TES: variants seen among roughly 807,000 people sequenced by gnomAD.
TES encodes testin LIM domain protein, also known as testin.
TES carries 41 observed loss-of-function variants against 48.2 expected under a neutral mutation model. The ratio of observed to expected loss-of-function variants is 0.85; its 90% CI spans 0.66 to 1.10. The LOEUF (loss-of-function observed/expected upper bound fraction) is 1.10, where lower values mean the gene tolerates loss of function less well. Ranked by LOEUF, TES falls within the 50% of genes least tolerant of loss-of-function variation. The probability of loss-of-function intolerance (pLI) is 0.00; values close to 1 mark genes in which losing one functional copy is unlikely to be tolerated. For synonymous variants in TES, 162 were observed against 174.9 expected (o/e 0.93, Z 0.58); for missense variants, 463 against 515.1 (o/e 0.90, Z 0.98).
chr7:116,256,434 T>G (rs1353737171), intron 6 of TES, among the ~76,000 whole-genome samples: 1 of 152,206 alleles, frequency 6.6e-6, no homozygotes, highest in Non-Finnish European at 1.5e-5. Flanking sequence ...AAACAAAAAC[T>G]TTAAGACAGC....
intron 1 of TES, chr7:116,210,957 C>T (rs1056277158): frequency 4.9e-5 from 17 of 345,830 alleles, no homozygotes; most frequent in African/African-American, 3.7e-4. Flanking sequence ...ATTGGAAGCG[C>T]GAGCGAGGGC....
rs1417517023 is a variant in TES, at chr7:116,229,033, T to TATATATATATATATATATATTTATATAA, written c.28-5500_28-5499insTATATATATATATATATATTTATATAAA. On this transcript the variant is annotated intron_variant, in intron 1 of 6. Coordinates refer to ENST00000358204, the MANE Select transcript of TES (RefSeq NM_015641.4). ...ATATATATATATATATATATATATA[T>TATATATATATATATATATATTTATATAA]AATCATTTCCTTAATATTTGGTAAT... Among the ~76,000 whole-genome samples, 5 of 115,490 alleles carry TATATATATATATATATATATTTATATAA rather than the reference T, an allele frequency of 4.3e-5. No individual in the cohort carries two copies. The Admixed American group carries it at 4.3e-4, about 10-fold the overall frequency. The allele number at this position is 115,490 out of a possible 152,430, so 75.8% of individuals were successfully genotyped here. A position where few individuals can be genotyped will look rare whatever the true frequency, so the allele number is the denominator to read the frequency against.
chr7:116,252,267 A>G (rs1049223663), intron 5 of TES, 51 bp from the exon 6 acceptor site: 30 of 1,541,868 alleles, frequency 1.9e-5, no homozygotes, highest in Non-Finnish European at 2.4e-5. Context: ...TGTTACAGAT[A>G]TAAATCTCTT....
intron 6 of TES, chr7:116,255,298 G>T (rs1335003772): frequency 6.6e-6 from 1 of 152,192 alleles, no homozygotes; most frequent in Non-Finnish European, 1.5e-5. Context: ...TAAAGGTTTA[G>T]GAACATGGGA....
At chr7:116,240,453 T>C (rs529485426) in intron 2 of TES, among the ~76,000 whole-genome samples, 36 of 151,854 alleles carry the variant, frequency 2.4e-4, no homozygotes, top group Non-Finnish European at 5.0e-4. Flanking sequence ...GGCTCGCTCT[T>C]TCTCTCTCTC....
At chr7:116,237,546 T>C (rs1799787754) in intron 2 of TES, among the ~76,000 whole-genome samples, 1 of 152,104 alleles carries the variant, frequency 6.6e-6, no homozygotes, top group Admixed American at 6.5e-5. Context: ...TTGTGCCTTA[T>C]TGCATGGTGT....
At chr7:116,237,471 CT>C (rs1225116250) in intron 2 of TES, among the ~76,000 whole-genome samples, 6 of 152,076 alleles carry the variant, frequency 3.9e-5, no homozygotes, top group Non-Finnish European at 8.8e-5. Context: ...CTTTTCCAGC[CT>C]CTTCCACTTC....
Position 116,251,840 on chromosome 7 carries a change from G to GC in TES, c.784dup (p.His262ProfsTer12), listed in dbSNP as rs1563015245. The GC allele has an allele frequency of 1.9e-6, 3 of 1,614,136 alleles. No homozygotes were observed. Among genetic ancestry groups the GC allele is most frequent in the Non-Finnish European group, 2.5e-6 (3 of 1,180,016 alleles). ...AAAGGGCTGGCTATGATAAACTGTG[G>GC]CACCCAGCTTGTTTTGTCTGCAGCA... On this transcript the variant is annotated frameshift_variant, in exon 5 of 7. Transcript: ENST00000358204. LOFTEE classifies it high-confidence loss of function.
At chr7:116,222,771 T>C (rs1784412904) in intron 1 of TES, 1 of 155,348 alleles carries the variant, frequency 6.4e-6, no homozygotes, top group African/African-American at 2.4e-5. Context: ...AGATGCGTTT[T>C]GGAATCAGGT....
At position 116,241,482 on chromosome 7, in the gene TES, G is replaced by A. The variant is rs114116737; in HGVS notation, c.113+6863G>A. On this transcript the variant is annotated intron_variant, in intron 2 of 6. Coordinates refer to ENST00000358204, the MANE Select transcript of TES (RefSeq NM_015641.4). ...TGGAAGGGATGTGGTCATCCCAACT[G>A]TTTTAATGATGACAGCTCTAGTTGA... 7.4e-3 allele frequency among the ~76,000 whole-genome samples: 1,121 copies of A among 152,238 alleles called. 12 individuals carry two copies. The highest frequency in any genetic ancestry group is 0.025 in the African/African-American group (1,052 of 41,548).
chr7:116,228,581 C>G (rs1163577142), intron 1 of TES, among the ~76,000 whole-genome samples: 1 of 152,144 alleles, frequency 6.6e-6, no homozygotes, highest in Non-Finnish European at 1.5e-5. Flanking sequence ...TTACGTGCAA[C>G]AGGACTGAGT....
At position 116,210,753 on chromosome 7, in the gene TES, C is replaced by T. The variant is rs2116563449; in HGVS notation, c.27+19C>T. ...GAAGAAGGTAGGGGGGCGCTCGTGG[C>T]GGGCGGCGGCTGCTTCACCTGCGCG... On this transcript the variant is annotated intron_variant, in intron 1 of 6. Coordinates refer to ENST00000358204, the MANE Select transcript of TES (RefSeq NM_015641.4). The T allele has an allele frequency of 1.6e-6, 2 of 1,239,200 alleles. No homozygotes were observed. Among genetic ancestry groups the T allele is most frequent in the South Asian group, 4.0e-5 (1 of 24,770 alleles). The allele number at this position is 1,239,200 out of a possible 1,614,324, so 76.8% of individuals were successfully genotyped here.
chr7:116,240,421 T>G (rs765815851), intron 2 of TES, among the ~76,000 whole-genome samples: 3 of 152,178 alleles, frequency 2.0e-5, no homozygotes, highest in Non-Finnish European at 4.4e-5. Flanking sequence ...TTGGTAGTTT[T>G]GTTCTTGCAT....
intron 1 of TES, among the ~76,000 whole-genome samples, chr7:116,233,920 G>A (rs1046039098): frequency 1.3e-5 from 2 of 152,100 alleles, no homozygotes; most frequent in African/African-American, 4.8e-5. Flanking sequence ...ATCAATGAGG[G>A]TGGAGCCCTC....
chr7:116,235,199 C>T (rs1008725856), intron 2 of TES, among the ~76,000 whole-genome samples: 1 of 152,228 alleles, frequency 6.6e-6, no homozygotes, highest in Non-Finnish European at 1.5e-5. Flanking sequence ...GATCAGCCCA[C>T]CTCAACCTCC....
At chr7:116,240,989 G>C (rs983885106) in intron 2 of TES, among the ~76,000 whole-genome samples, 1 of 152,034 alleles carries the variant, frequency 6.6e-6, no homozygotes, top group Non-Finnish European at 1.5e-5. Context: ...TTGTGTTTTT[G>C]TTTTAGGTTT....
At chr7:116,225,986 T>C (rs1799616416) in intron 1 of TES, among the ~76,000 whole-genome samples, 1 of 152,196 alleles carries the variant, frequency 6.6e-6, no homozygotes, top group Non-Finnish European at 1.5e-5. Flanking sequence ...AAGATTGTTA[T>C]GAGGTTAAAA....
In TES at chr7:116,239,800, G is replaced by A. The variant is rs1799821077; in HGVS notation, c.113+5181G>A. ...CCCAATAAGAAACACTATCTGCTGG[G>A]AATGCTTTCAAGTAATATATAGAGA... On this transcript the variant is annotated intron_variant, in intron 2 of 6. Transcript: ENST00000358204. 2.0e-5 allele frequency among the ~76,000 whole-genome samples: 3 copies of A among 152,180 alleles called. No individual in the cohort carries two copies. The South Asian group carries it at 6.2e-4, about 32-fold the overall frequency.
Position 116,218,593 on chromosome 7 carries a change from G to A in TES, c.27+7859G>A, listed in dbSNP as rs111467123. On this transcript the variant is annotated intron_variant, in intron 1 of 6. Transcript: ENST00000358204. ...TTAAAAAAATTACCCTTTGTTTTTC[G>A]TAGAGAATATTAAAAGTGCAGTTTA... is the stretch of plus-strand genomic sequence containing the variant. Among the ~76,000 whole-genome samples, 1,502 of 152,132 alleles carry A rather than the reference G, an allele frequency of 9.9e-3. 28 individuals carry two copies. Among genetic ancestry groups the A allele is most frequent in the African/African-American group, 0.035 (1,450 of 41,502 alleles).
Sources: allele counts gnomAD v4.1 joint callset (sites outside exome capture counted in the v4.1 genomes callset), GRCh38; gene constraint gnomAD v4.1.1; transcripts MANE v1.5; gene names NCBI Gene and HGNC (gene_info 2026-07-23, HGNC 2026-07-21).